Variants in PPARGC1A observed in about 807,000 individuals in gnomAD.
PPARGC1A encodes the protein peroxisome proliferator-activated receptor gamma coactivator 1-alpha.
In PPARGC1A, 25 loss-of-function variants were observed where a neutral mutation model predicts 88.7. That is an observed-to-expected ratio of 0.28 (90% confidence interval 0.21 to 0.39). The LOEUF (loss-of-function observed/expected upper bound fraction) is 0.39, where lower values mean the gene tolerates loss of function less well. Ranked by LOEUF, PPARGC1A falls within the 10% of genes least tolerant of loss-of-function variation. The probability of loss-of-function intolerance (pLI) is 1.00; values close to 1 mark genes in which losing one functional copy is unlikely to be tolerated. For synonymous variants in PPARGC1A, 363 were observed against 355.6 expected (o/e 1.02, Z -0.24); for missense variants, 880 against 968.7 (o/e 0.91, Z 1.22).
At chr4:24,468,270 T>C in the PPARGC1A span, among the ~76,000 whole-genome samples, 1 of 152,362 alleles carries the variant, frequency 6.6e-6, no homozygotes, top group East Asian at 1.9e-4. Context: ...AGCTCGGTTT[T>C]GGAAGCTTGC....
At chr4:24,132,153 T>C in the PPARGC1A span, among the ~76,000 whole-genome samples, 3,819 of 152,210 alleles carry the variant, frequency 0.025, 182 homozygotes, top group African/African-American at 0.087. Flanking sequence ...TGTTTTGAAA[T>C]AGAGGAGATT....
At chr4:23,949,755 AC>A in the PPARGC1A span, among the ~76,000 whole-genome samples, 1 of 152,076 alleles carries the variant, frequency 6.6e-6, no homozygotes, top group Non-Finnish European at 1.5e-5. Context: ...GACAAGAGCC[AC>A]CCCTTCCCCC....
At chr4:23,914,466 C>A in the PPARGC1A span, among the ~76,000 whole-genome samples, 1 of 152,170 alleles carries the variant, frequency 6.6e-6, no homozygotes, top group South Asian at 2.1e-4. Flanking sequence ...ACTACAATCT[C>A]AGGCTGTCTG....
At chr4:23,966,297 G>A in the PPARGC1A span, among the ~76,000 whole-genome samples, 2 of 152,270 alleles carry the variant, frequency 1.3e-5, no homozygotes, top group Non-Finnish European at 2.9e-5. Flanking sequence ...TCATGGAAAT[G>A]TTCTGTATCA....
At chr4:24,209,801 A>G in the PPARGC1A span, among the ~76,000 whole-genome samples, 3 of 152,240 alleles carry the variant, frequency 2.0e-5, no homozygotes, top group Non-Finnish European at 4.4e-5. Flanking sequence ...GTACATGCAT[A>G]CAATTTGTAT....
the PPARGC1A span, among the ~76,000 whole-genome samples, chr4:24,290,531 A>T: frequency 6.6e-6 from 1 of 152,202 alleles, no homozygotes; most frequent in African/African-American, 2.4e-5. Flanking sequence ...AATAAATAAC[A>T]TAAATAATCC....
the PPARGC1A span, among the ~76,000 whole-genome samples, chr4:24,067,401 C>A: frequency 6.6e-6 from 1 of 152,146 alleles, no homozygotes; most frequent in East Asian, 1.9e-4. Flanking sequence ...ACACAGACAT[C>A]AAAATGCCCC....
At chr4:24,398,330 G>C in the PPARGC1A span, among the ~76,000 whole-genome samples, 1 of 152,164 alleles carries the variant, frequency 6.6e-6, no homozygotes, top group Admixed American at 6.5e-5. Flanking sequence ...CTCTGAGTGA[G>C]AGAATAATAG....
the PPARGC1A span, among the ~76,000 whole-genome samples, chr4:24,323,931 A>G: frequency 2.0e-5 from 3 of 151,948 alleles, no homozygotes; most frequent in Non-Finnish European, 2.9e-5. Context: ...TCTCCTTTCA[A>G]TCTTGGCGCT....
intron 7 of PPARGC1A, among the ~76,000 whole-genome samples, chr4:23,817,882 T>A (rs942443290): frequency 1.3e-5 from 2 of 152,084 alleles, no homozygotes; most frequent in Non-Finnish European, 2.9e-5. Context: ...AAAACAAAGG[T>A]GCAAGAAGTA....
At chr4:24,210,274 TTATAAA>T in the PPARGC1A span, among the ~76,000 whole-genome samples, 11 of 152,322 alleles carry the variant, frequency 7.2e-5, no homozygotes, top group Admixed American at 2.6e-4. Flanking sequence ...TACAAAGGAT[TTATAAA>T]TATAAAGTTG....
the PPARGC1A span, among the ~76,000 whole-genome samples, chr4:23,981,996 A>G: frequency 6.6e-6 from 1 of 152,182 alleles, no homozygotes; most frequent in Non-Finnish European, 1.5e-5. Context: ...AGCCAGAATT[A>G]AGCAGAAAAA....
intron 10 of PPARGC1A, among the ~76,000 whole-genome samples, chr4:23,810,534 C>T (rs1022599252): frequency 5.3e-5 from 8 of 152,060 alleles, no homozygotes; most frequent in African/African-American, 1.9e-4. Flanking sequence ...GAACTAGCAA[C>T]AAAAAAGACA....
chr4:24,440,576 C>T, the PPARGC1A span, among the ~76,000 whole-genome samples: 20 of 152,026 alleles, frequency 1.3e-4, no homozygotes, highest in African/African-American at 4.1e-4. Context: ...CCGGGATGGG[C>T]GGATCACTTG....
the PPARGC1A span, among the ~76,000 whole-genome samples, chr4:24,004,096 T>G: frequency 6.6e-6 from 1 of 152,136 alleles, no homozygotes; most frequent in African/African-American, 2.4e-5. Flanking sequence ...AGAGGCAAGA[T>G]GAAACTGATG....
chr4:24,390,372 TTAAA>T, the PPARGC1A span, among the ~76,000 whole-genome samples: 9 of 152,178 alleles, frequency 5.9e-5, no homozygotes, highest in African/African-American at 1.9e-4. Context: ...AGAAATATTA[TTAAA>T]TAGTTATATT....
chr4:24,261,561 T>C, the PPARGC1A span, among the ~76,000 whole-genome samples: 1 of 152,252 alleles, frequency 6.6e-6, no homozygotes, highest in Non-Finnish European at 1.5e-5. Flanking sequence ...CAGCCAATTA[T>C]GATTTGCTTT....
At chr4:24,351,234 A>ATT in the PPARGC1A span, among the ~76,000 whole-genome samples, 3 of 90,692 alleles carry the variant, frequency 3.3e-5, no homozygotes, top group Non-Finnish European at 4.8e-5. Flanking sequence ...TTGTATTTAA[A>ATT]AAAAAAAAAA....
chr4:24,469,980 G>A, the PPARGC1A span, among the ~76,000 whole-genome samples: 1 of 152,116 alleles, frequency 6.6e-6, no homozygotes, highest in Non-Finnish European at 1.5e-5. Flanking sequence ...TAAAGATGCT[G>A]CGAAACCTCC....
Sources: allele counts gnomAD v4.1 joint callset (sites outside exome capture counted in the v4.1 genomes callset), GRCh38; gene constraint gnomAD v4.1.1; transcripts MANE v1.5; gene names NCBI Gene and HGNC (gene_info 2026-07-23, HGNC 2026-07-21).